RHEB: variants seen among roughly 807,000 people sequenced by gnomAD.
RHEB encodes the protein Ras homolog, mTORC1 binding.
A neutral mutation model predicts 28.8 loss-of-function variants in RHEB; 2 were observed. The ratio of observed to expected loss-of-function variants is 0.07; its 90% CI spans 0.03 to 0.22. The LOEUF (loss-of-function observed/expected upper bound fraction) is 0.22. Ranked by LOEUF, RHEB falls within the 10% of genes least tolerant of loss-of-function variation. The probability of loss-of-function intolerance (pLI) is 1.00; values close to 1 mark genes in which losing one functional copy is unlikely to be tolerated. For missense variants in RHEB, 76 were observed against 219.9 expected, an observed-to-expected ratio of 0.35 and a Z score of 4.14; for synonymous variants, 69 against 77.3, an observed-to-expected ratio of 0.89 and a Z score of 0.56.
At chr7:151,471,076 C>T (rs1584846069) in intron 6 of RHEB, among the ~76,000 whole-genome samples, 1 of 152,256 alleles carries the variant, frequency 6.6e-6, no homozygotes, top group East Asian at 1.9e-4. Flanking sequence ...GGACATCTGC[C>T]TCCTTTGCTC....
chr7:151,471,502 T>G lies in RHEB; in HGVS notation c.332+47A>C, dbSNP rs1432573425. 2.6e-6 allele frequency: 4 copies of G among 1,547,936 alleles called. No homozygotes were observed. In the South Asian group the frequency reaches 4.6e-5, roughly 18 times the overall value. ...CCAGATTGTATTGCTCAGAAGATAC[T>G]ATTAAAAGAAGTTTCTCTAACAAGC... On this transcript the variant is annotated intron_variant, in intron 5 of 7. Coordinates refer to ENST00000262187, the MANE Select transcript of RHEB (RefSeq NM_005614.4).
chr7:151,516,449 C>A (rs1316402977), intron 1 of RHEB, among the ~76,000 whole-genome samples: 1 of 151,680 alleles, frequency 6.6e-6, no homozygotes. Context: ...ATGGTGAAAC[C>A]CAGTCTCTAC....
intron 1 of RHEB, among the ~76,000 whole-genome samples, chr7:151,510,748 T>A (rs1032587025): frequency 2.0e-5 from 3 of 152,206 alleles, no homozygotes; most frequent in Admixed American, 2.0e-4. Flanking sequence ...GGCCCAAATG[T>A]TCTCTTTCAA....
intron 1 of RHEB, among the ~76,000 whole-genome samples, chr7:151,515,178 AG>A (rs888493918): frequency 5.9e-5 from 9 of 152,234 alleles, no homozygotes; most frequent in Admixed American, 1.3e-4. Context: ...AACAGGAAGA[AG>A]CGACATATGC....
chr7:151,488,226 CTG>C (rs1802518145), intron 2 of RHEB, among the ~76,000 whole-genome samples: 3 of 152,176 alleles, frequency 2.0e-5, no homozygotes, highest in Admixed American at 2.0e-4. Context: ...AGTAGTACTT[CTG>C]CTTTAAAATT....
rs1007546406 is a variant in RHEB, at chr7:151,497,044, T to C, written c.53-6030A>G. ...GTCTTGTGATCTGCCTGCCTCAGCCTCCCAAAGTGCTGGGATTACAGGTAT... is the reference window on the plus strand; with the variant it reads ...GTCTTGTGATCTGCCTGCCTCAGCCCCCCAAAGTGCTGGGATTACAGGTAT... On this transcript the variant is annotated intron_variant, in intron 1 of 7. Transcript: ENST00000262187. 1.1e-3 allele frequency among the ~76,000 whole-genome samples: 167 copies of C among 151,338 alleles called. 2 individuals carry two copies. The highest frequency in any genetic ancestry group is 3.4e-4 in the Non-Finnish European group (23 of 67,866).
chr7:151,515,680 A>C (rs1433660530), intron 1 of RHEB, among the ~76,000 whole-genome samples: 2 of 152,266 alleles, frequency 1.3e-5, no homozygotes, highest in African/African-American at 4.8e-5. Flanking sequence ...AAGTGTCAAC[A>C]AATGATAGGT....
intron 1 of RHEB, among the ~76,000 whole-genome samples, chr7:151,494,561 T>C (rs1259069613): frequency 6.6e-6 from 1 of 152,226 alleles, no homozygotes; most frequent in Non-Finnish European, 1.5e-5. Context: ...ACAGACAATG[T>C]AGTCTAACCA....
intron 1 of RHEB, among the ~76,000 whole-genome samples, 157 bp from the exon 2 acceptor site, chr7:151,491,171 T>A (rs1024829344): frequency 6.6e-6 from 1 of 152,220 alleles, no homozygotes; most frequent in Non-Finnish European, 1.5e-5. Flanking sequence ...TTTCAAAAAA[T>A]GAAATAAATT....
intron 4 of RHEB, 57 bp from the exon 5 acceptor site, chr7:151,471,662 T>C: frequency 1.8e-6 from 2 of 1,119,048 alleles, no homozygotes; most frequent in South Asian, 2.8e-5. Flanking sequence ...TTTTTAAATG[T>C]ATGTTATGTT....
chr7:151,466,179 C>G lies in RHEB; in HGVS notation c.*940G>C, dbSNP rs1802057304. ...AACAGCCACCAAACAAATGAAATCC[C>G]TCTTCTCCTTTACAGCTGCTCCTTG... On this transcript the variant is annotated 3_prime_UTR_variant, in exon 8 of 8. Transcript: ENST00000262187. 1 of 152,208 alleles carries G rather than the reference C, an allele frequency of 6.6e-6. No homozygotes were observed. The highest frequency in any genetic ancestry group is 2.4e-5 in the African/African-American group (1 of 41,442). The allele number at this position is 152,208 out of a possible 1,614,324, so 9.4% of individuals were successfully genotyped here. A position where few individuals can be genotyped will look rare whatever the true frequency, so the allele number is the denominator to read the frequency against.
chr7:151,491,823 A>C (rs1802587536), intron 1 of RHEB, among the ~76,000 whole-genome samples: 1 of 152,208 alleles, frequency 6.6e-6, no homozygotes, highest in Non-Finnish European at 1.5e-5. Flanking sequence ...TATGTCATTC[A>C]GTATGAAAGG....
chr7:151,468,593 C>T lies in RHEB; in HGVS notation c.463-1382G>A, dbSNP rs1051737183. On this transcript the variant is annotated intron_variant, in intron 7 of 7. Coordinates refer to ENST00000262187, the MANE Select transcript of RHEB (RefSeq NM_005614.4). The surrounding 1 kb of genome is among the most constrained non-coding windows in gnomAD (Gnocchi z 4.3). Reference sequence around the variant, plus strand: ...TCTCCTCAAATGTTCCCCGTGCTTACGCTCAGCTGAAAACCTTGTTTTACA... The same window carrying T: ...TCTCCTCAAATGTTCCCCGTGCTTATGCTCAGCTGAAAACCTTGTTTTACA... Among the ~76,000 whole-genome samples the T allele has an allele frequency of 3.9e-4, 59 of 152,260 alleles. 1 individual carries two copies. Among genetic ancestry groups the T allele is most frequent in the Admixed American group, 6.5e-5 (1 of 15,288 alleles).
chr7:151,496,908 T>G (rs1188087597), intron 1 of RHEB, among the ~76,000 whole-genome samples: 4 of 151,878 alleles, frequency 2.6e-5, no homozygotes, highest in Non-Finnish European at 5.9e-5. Flanking sequence ...GCCTCCCAAG[T>G]AGCTGGGACT....
chr7:151,503,018 G>C, intron 1 of RHEB: 1 of 783,422 alleles, frequency 1.3e-6, no homozygotes, highest in Non-Finnish European at 2.4e-6. Flanking sequence ...GAAATCAATA[G>C]AACGATACTT....
Position 151,511,640 on chromosome 7 carries a change from C to T in RHEB, c.52+7820G>A, listed in dbSNP as rs1584868880. Among the ~76,000 whole-genome samples the T allele has an allele frequency of 2.0e-5, 3 of 151,518 alleles. No homozygotes were observed. In the South Asian group the frequency reaches 6.3e-4, roughly 32 times the overall value. ...AAATTAAAATACTAAAATAGTATTC[C>T]AGAACCTTTAAAATGTTAGATTTCT... is the stretch of plus-strand genomic sequence containing the variant. On this transcript the variant is annotated intron_variant, in intron 1 of 7. Coordinates refer to ENST00000262187, the MANE Select transcript of RHEB (RefSeq NM_005614.4).
chr7:151,491,071 ATTTTGC>A (rs1043060877), intron 1 of RHEB, 57 bp from the exon 2 acceptor site: 4 of 1,304,642 alleles, frequency 3.1e-6, no homozygotes, highest in Non-Finnish European at 4.4e-6. Context: ...AAAATTTTTA[ATTTTGC>A]TGTTTTATTA....
At chr7:151,470,018 G>C (rs908683735) in intron 7 of RHEB, among the ~76,000 whole-genome samples, 4 of 152,078 alleles carry the variant, frequency 2.6e-5, no homozygotes, top group Admixed American at 6.6e-5. Flanking sequence ...GGAAGAGAAG[G>C]GCTCATACAG....
At chr7:151,506,162 ATT>A (rs941039314) in intron 1 of RHEB, among the ~76,000 whole-genome samples, 1 of 150,476 alleles carries the variant, frequency 6.6e-6, no homozygotes, top group African/African-American at 2.4e-5. Flanking sequence ...GGAAAAAAAG[ATT>A]TTTTTTAAAA....
Sources: gnomAD v4.1 joint callset for allele counts (sites outside exome capture counted in the v4.1 genomes callset) on GRCh38, gnomAD v4.1.1 for gene constraint, Gnocchi (gnomAD v3.1) non-coding constraint, MANE v1.5 for transcripts, NCBI Gene and HGNC (gene_info 2026-07-23, HGNC 2026-07-21) for gene names.